Variants in MAPK4 observed in about 807,000 individuals in gnomAD.
MAPK4 encodes mitogen-activated protein kinase 4.
A neutral mutation model predicts 47.7 loss-of-function variants in MAPK4; 22 were observed. The ratio of observed to expected loss-of-function variants is 0.46; its 90% CI spans 0.33 to 0.66. MAPK4 has a LOEUF of 0.66. Among genes scored for constraint, MAPK4 ranks in the 30% least tolerant of loss-of-function variants. The pLI is 0.02. For missense variants in MAPK4, 736 were observed against 831.7 expected, an observed-to-expected ratio of 0.88 and a Z score of 1.42; for synonymous variants, 390 against 365.7, an observed-to-expected ratio of 1.07 and a Z score of -0.76.
At chr18:50,679,554 A>G (rs1407235002) in intron 2 of MAPK4, among the ~76,000 whole-genome samples, 1 of 152,110 alleles carries the variant, frequency 6.6e-6, no homozygotes, top group African/African-American at 2.4e-5. Context: ...GATGAGCACA[A>G]AGGAGCCCCT....
At chr18:50,607,409 C>G (rs1201599409) in intron 1 of MAPK4, among the ~76,000 whole-genome samples, 1 of 152,162 alleles carries the variant, frequency 6.6e-6, no homozygotes, top group Non-Finnish European at 1.5e-5. Flanking sequence ...TGTATCCTGC[C>G]TCAGGTCCAG....
chr18:50,645,026 G>A (rs1377416646), intron 1 of MAPK4, among the ~76,000 whole-genome samples: 1 of 152,202 alleles, frequency 6.6e-6, no homozygotes, highest in Non-Finnish European at 1.5e-5. Flanking sequence ...GCCATCTAGA[G>A]GGAAGGTGAG....
chr18:50,726,335 T>TACC (rs1911198732), intron 5 of MAPK4, among the ~76,000 whole-genome samples, 160 bp downstream of exon 5: 1 of 152,248 alleles, frequency 6.6e-6, no homozygotes, highest in Admixed American at 6.5e-5. Flanking sequence ...GCCCAGACAC[T>TACC]ACCAGTAAAT....
intron 1 of MAPK4, among the ~76,000 whole-genome samples, chr18:50,657,216 C>T (rs1343956097): frequency 6.6e-5 from 10 of 152,308 alleles, no homozygotes; most frequent in African/African-American, 2.4e-4. Flanking sequence ...GATCATATGA[C>T]CACCCCTAAA....
intron 1 of MAPK4, among the ~76,000 whole-genome samples, chr18:50,588,592 C>T (rs1053820517): frequency 2.0e-5 from 3 of 152,016 alleles, no homozygotes; most frequent in South Asian, 2.1e-4. Flanking sequence ...GGTCCCACTC[C>T]GGTTGTCCAG....
chr18:50,564,381 C>A (rs34139832), intron 1 of MAPK4, among the ~76,000 whole-genome samples: 4 of 152,144 alleles, frequency 2.6e-5, no homozygotes, highest in African/African-American at 7.2e-5. Context: ...GCCTCTACCC[C>A]CTAGATGCCA....
chr18:50,707,902 A>G (rs1245717912), intron 2 of MAPK4, among the ~76,000 whole-genome samples: 1 of 152,166 alleles, frequency 6.6e-6, no homozygotes, highest in East Asian at 1.9e-4. Flanking sequence ...GGTGGAGTGG[A>G]GAAGGGGCAG....
intron 2 of MAPK4, among the ~76,000 whole-genome samples, chr18:50,667,707 C>A (rs1436123973): frequency 6.6e-6 from 1 of 152,174 alleles, no homozygotes; most frequent in Non-Finnish European, 1.5e-5. Context: ...CCAACTGGAG[C>A]CTTGTTTGGA....
At chr18:50,666,874 A>G (rs1598887719) in intron 2 of MAPK4, among the ~76,000 whole-genome samples, 1 of 148,206 alleles carries the variant, frequency 6.7e-6, no homozygotes, top group Non-Finnish European at 1.5e-5. Flanking sequence ...TGGTGCTTTT[A>G]TTTATCCAAT....
intron 2 of MAPK4, among the ~76,000 whole-genome samples, chr18:50,703,373 A>C (rs2144390681): frequency 6.6e-6 from 1 of 152,322 alleles, no homozygotes; most frequent in East Asian, 1.9e-4. Context: ...TGTGGAGTGA[A>C]AGTAGCTGGC....
At chr18:50,723,651 C>G (rs548680600) in intron 4 of MAPK4, among the ~76,000 whole-genome samples, 1 of 152,088 alleles carries the variant, frequency 6.6e-6, no homozygotes, top group Non-Finnish European at 1.5e-5. Context: ...CCTCTTGAGC[C>G]CAGGAGTTTC....
At position 50,726,164 on chromosome 18, in the gene MAPK4, G is replaced by T. The variant is rs55784156; in HGVS notation, c.1056G>T (p.Thr352=). The change falls in exon 5 of 6, where the codon ACG becomes ACT. Residue 352 remains threonine, a synonymous_variant. Transcript: ENST00000400384. The stretch of plus-strand genomic sequence containing the variant: ...AGAGCCAGCTGTCCAACTGGGACAC[G>T]TGCAGTTCCAGGTGCTCGCAGCCCT... ...ANQSQLSNWD[T]CSSRYPVSLS... is the part of the protein sequence containing the mutation. The T allele has an allele frequency of 1.1e-4, 170 of 1,613,790 alleles. No homozygotes were observed. The highest frequency in any genetic ancestry group is 1.4e-4 in the Non-Finnish European group (161 of 1,180,006).
chr18:50,696,570 G>A (rs115739612), intron 2 of MAPK4, among the ~76,000 whole-genome samples: 2,786 of 152,292 alleles, frequency 0.018, 94 homozygotes, highest in African/African-American at 0.063. Flanking sequence ...GAGAGGATCC[G>A]CACACCACTC....
intron 2 of MAPK4, among the ~76,000 whole-genome samples, chr18:50,711,100 G>A (rs1236421850): frequency 6.6e-6 from 1 of 152,342 alleles, no homozygotes; most frequent in African/African-American, 2.4e-5. Flanking sequence ...AGCTGGGATC[G>A]AGGGCTGCTT....
At chr18:50,654,687 C>T (rs1185123441) in intron 1 of MAPK4, among the ~76,000 whole-genome samples, 1 of 152,244 alleles carries the variant, frequency 6.6e-6, no homozygotes, top group African/African-American at 2.4e-5. Context: ...GGACCAGAAG[C>T]TGGACTCAGC....
At position 50,731,478 on chromosome 18, in the gene MAPK4, C is replaced by A. The variant is rs1349278392; in HGVS notation, c.*1624C>A. On this transcript the variant is annotated 3_prime_UTR_variant, in exon 6 of 6. Transcript: ENST00000400384. Reference sequence around the variant, plus strand: ...ATCACAGCACCTTAAATCTAATCAGCAAACTATAATTTGTACGTTGAAACC... The same window carrying A: ...ATCACAGCACCTTAAATCTAATCAGAAAACTATAATTTGTACGTTGAAACC... The A allele has an allele frequency of 6.6e-6, 1 of 152,378 alleles. No homozygotes were observed. The highest frequency in any genetic ancestry group is 1.5e-5 in the Non-Finnish European group (1 of 68,046). 9.4% of individuals were successfully genotyped at this position (152,378 alleles called of 1,614,324 possible).
chr18:50,588,632 G>T (rs2042408896), intron 1 of MAPK4, among the ~76,000 whole-genome samples: 2 of 152,150 alleles, frequency 1.3e-5, no homozygotes, highest in Admixed American at 1.3e-4. Flanking sequence ...TCAGCTCACT[G>T]CAGCCTCAAC....
intron 1 of MAPK4, among the ~76,000 whole-genome samples, chr18:50,584,244 T>G (rs930976258): frequency 3.9e-5 from 6 of 152,178 alleles, no homozygotes; most frequent in African/African-American, 9.7e-5. Flanking sequence ...GCCCTTTATG[T>G]CTCTTCTCTA....
intron 1 of MAPK4, among the ~76,000 whole-genome samples, chr18:50,654,951 G>A (rs2043092093): frequency 1.3e-5 from 2 of 152,340 alleles, no homozygotes; most frequent in Middle Eastern, 6.8e-3. Flanking sequence ...CGCTCCTGGA[G>A]TTTGCTCTTT....
Sources: allele counts gnomAD v4.1 joint callset (sites outside exome capture counted in the v4.1 genomes callset), GRCh38; gene constraint gnomAD v4.1.1; transcripts MANE v1.5; gene names NCBI Gene and HGNC (gene_info 2026-07-23, HGNC 2026-07-21).